PLAA: variants seen among roughly 807,000 people sequenced by gnomAD.
PLAA encodes phospholipase A2 activating protein, also known as phospholipase A-2-activating protein.
Under a neutral mutation model 84.1 loss-of-function variants are expected in PLAA, and 48 were observed. The observed-to-expected ratio is 0.57, with a 90% CI of 0.45 to 0.73. The LOEUF is 0.73. PLAA is among the 30% of genes least tolerant of loss of function. The pLI is 0.00. For missense variants in PLAA, 903 were observed against 954.7 expected, an observed-to-expected ratio of 0.95 and a Z score of 0.71; for synonymous variants, 392 against 336.6, an observed-to-expected ratio of 1.16 and a Z score of -1.80.
chr9:26,918,156 G>A (rs1373638255), intron 9 of PLAA, among the ~76,000 whole-genome samples: 2 of 151,974 alleles, frequency 1.3e-5, no homozygotes, highest in Non-Finnish European at 2.9e-5. Flanking sequence ...CTATCGCCCA[G>A]GTTGGAGTGC....
At position 26,907,509 on chromosome 9, in the gene PLAA, C is replaced by A. The variant is rs374063087; in HGVS notation, c.1822+325G>T. 3.1e-5 allele frequency: 7 copies of A among 228,152 alleles called. No individual in the cohort carries two copies. The East Asian group carries it at 4.8e-4, about 16-fold the overall frequency. The allele number at this position is 228,152 out of a possible 1,614,324, so 14.1% of individuals were successfully genotyped here. On this transcript the variant is annotated intron_variant, in intron 13 of 13. Coordinates refer to ENST00000397292, the MANE Select transcript of PLAA (RefSeq NM_001031689.3). ...GAGCCGAGATCACGCCACTGCACTC[C>A]AGCCTGGGCGACAGAGCAAGACTCC...
intron 11 of PLAA, among the ~76,000 whole-genome samples, chr9:26,911,883 T>C (rs945128229): frequency 2.1e-5 from 3 of 142,410 alleles, no homozygotes; most frequent in African/African-American, 7.4e-5. Context: ...TGAAGGTAGA[T>C]AAAGACGAAA....
chr9:26,928,814 G>A (rs533524335), intron 2 of PLAA, among the ~76,000 whole-genome samples: 1 of 152,322 alleles, frequency 6.6e-6, no homozygotes, highest in South Asian at 2.1e-4. Flanking sequence ...CATAAAACCT[G>A]CAGCCAAGCT....
chr9:26,932,341 C>T (rs1218345783), intron 2 of PLAA, among the ~76,000 whole-genome samples: 1 of 152,104 alleles, frequency 6.6e-6, no homozygotes, highest in Non-Finnish European at 1.5e-5. Context: ...TATTTGTATA[C>T]CTAACAAACT....
At chr9:26,912,226 T>A (rs1352343818) in intron 11 of PLAA, among the ~76,000 whole-genome samples, 2 of 152,162 alleles carry the variant, frequency 1.3e-5, no homozygotes, top group African/African-American at 4.8e-5. Flanking sequence ...TAATTTGTGG[T>A]CTAAATGACA....
chr9:26,908,507 A>C (rs1202726676), intron 12 of PLAA, among the ~76,000 whole-genome samples: 1 of 151,378 alleles, frequency 6.6e-6, no homozygotes, highest in Non-Finnish European at 1.5e-5. Flanking sequence ...TCTGTTGCCC[A>C]GGCTGGAGTG....
chr9:26,932,692 G>A (rs1046962527), intron 2 of PLAA, among the ~76,000 whole-genome samples: 3 of 152,146 alleles, frequency 2.0e-5, no homozygotes, highest in African/African-American at 7.2e-5. Flanking sequence ...ATGATGTAGT[G>A]GAAGGAGGGG....
chr9:26,938,435 C>T (rs1336177356), intron 1 of PLAA, among the ~76,000 whole-genome samples: 2 of 151,872 alleles, frequency 1.3e-5, no homozygotes, highest in Non-Finnish European at 2.9e-5. Context: ...ACCTGTAGTC[C>T]CAGTTACTTG....
At chr9:26,915,846 C>G in intron 10 of PLAA, 1 of 985,198 alleles carries the variant, frequency 1.0e-6, no homozygotes, top group African/African-American at 1.7e-5. Context: ...TCTTTCTGTT[C>G]CAGAAAAAAA....
rs1050584514 is a variant in PLAA at position 26,905,416 on chromosome 9, C to T, written c.*95G>A. The T allele has an allele frequency of 1.5e-5, 15 of 979,824 alleles. No individual in the cohort carries two copies. Among genetic ancestry groups the T allele is most frequent in the African/African-American group, 9.9e-5 (6 of 60,702 alleles). The allele number at this position is 979,824 out of a possible 1,614,324, so 60.7% of individuals were successfully genotyped here. A position where few individuals can be genotyped will look rare whatever the true frequency, so the allele number is the denominator to read the frequency against. On this transcript the variant is annotated 3_prime_UTR_variant, in exon 14 of 14. Transcript: ENST00000397292. ...AGATGTAAAATTTTACTTAATCCACCGTATTCTCTTTTTTTAATTATCTGT... is the reference window on the plus strand; with the variant it reads ...AGATGTAAAATTTTACTTAATCCACTGTATTCTCTTTTTTTAATTATCTGT...
intron 12 of PLAA, among the ~76,000 whole-genome samples, chr9:26,908,928 G>A (rs1356252878): frequency 6.6e-6 from 1 of 152,136 alleles, no homozygotes; most frequent in East Asian, 1.9e-4. Context: ...AGAGTTAAAT[G>A]CCTACTGATA....
chr9:26,943,271 A>C (rs534223490), intron 1 of PLAA, among the ~76,000 whole-genome samples: 1 of 152,278 alleles, frequency 6.6e-6, no homozygotes, highest in Admixed American at 6.5e-5. Context: ...TGAAGGTCCA[A>C]AGACTTTCTG....
intron 2 of PLAA, 45 bp downstream of exon 2, chr9:26,934,968 G>A (rs759298371): frequency 1.5e-6 from 2 of 1,339,152 alleles, no homozygotes; most frequent in Admixed American, 2.5e-5. Flanking sequence ...CTTTCAAAGG[G>A]ATAAAACTTC....
chr9:26,945,834 T>C (rs774322537), intron 1 of PLAA, among the ~76,000 whole-genome samples: 4 of 152,346 alleles, frequency 2.6e-5, no homozygotes, highest in Non-Finnish European at 5.9e-5. Flanking sequence ...GCTCCATCCA[T>C]CTCATGCTTC....
At chr9:26,921,280 A>G (rs1371849950) in intron 7 of PLAA, among the ~76,000 whole-genome samples, 1 of 152,208 alleles carries the variant, frequency 6.6e-6, no homozygotes, top group African/African-American at 2.4e-5. Flanking sequence ...TGGCGGAGAC[A>G]GCTATCCATC....
chr9:26,922,477 G>C (rs113730579), intron 7 of PLAA, among the ~76,000 whole-genome samples: 198 of 151,950 alleles, frequency 1.3e-3, no homozygotes, highest in African/African-American at 4.4e-3. Context: ...AATTAGTTTT[G>C]ACCTCATGGA....
chr9:26,915,534 A>T (rs772135438), intron 10 of PLAA: 1 of 265,812 alleles, frequency 3.8e-6, no homozygotes, highest in South Asian at 1.4e-4. Flanking sequence ...ATCATCATCA[A>T]CAACAACTAA....
chr9:26,916,406 C>T, intron 10 of PLAA: 1 of 986,988 alleles, frequency 1.0e-6, no homozygotes. Flanking sequence ...GGCACTTTTT[C>T]CAGTAGTGTT....
chr9:26,933,179 A>G (rs1825240194), intron 2 of PLAA, among the ~76,000 whole-genome samples: 1 of 152,056 alleles, frequency 6.6e-6, no homozygotes, highest in Non-Finnish European at 1.5e-5. Context: ...GAGGCAGGAG[A>G]ACTGCTTGAA....
Sources: gnomAD v4.1 joint callset for allele counts (sites outside exome capture counted in the v4.1 genomes callset) on GRCh38, gnomAD v4.1.1 for gene constraint, MANE v1.5 for transcripts, NCBI Gene and HGNC (gene_info 2026-07-23, HGNC 2026-07-21) for gene names.